The following DZIP1 variants were observed in gnomAD, a reference collection of about 807,000 sequenced individuals.
DZIP1 encodes the protein DAZ interacting zinc finger protein 1.
DZIP1 carries 97 observed loss-of-function variants against 107.6 expected under a neutral mutation model. That is an observed-to-expected ratio of 0.90 (90% CI 0.77 to 1.07). DZIP1 has a LOEUF of 1.07. DZIP1 is among the 50% of genes least tolerant of loss of function. The probability of loss-of-function intolerance (pLI) is 0.00; values close to 1 mark genes in which losing one functional copy is unlikely to be tolerated. For synonymous variants in DZIP1, 390 were observed against 386.4 expected, an observed-to-expected ratio of 1.01 and a Z score of -0.11; for missense variants, 1,035 against 1,063.6, an observed-to-expected ratio of 0.97 and a Z score of 0.37.
intron 16 of DZIP1, among the ~76,000 whole-genome samples, chr13:95,591,153 C>T (rs997061777): frequency 2.0e-5 from 3 of 151,560 alleles, no homozygotes; most frequent in Admixed American, 1.3e-4. Context: ...CTCAGCCTTC[C>T]GAGTAGCTGG....
At chr13:95,597,564 G>A (rs1027807613) in intron 15 of DZIP1, among the ~76,000 whole-genome samples, 5 of 152,140 alleles carry the variant, frequency 3.3e-5, no homozygotes, top group Non-Finnish European at 7.4e-5. Context: ...TCAACCTATA[G>A]GGCTCAGAAG....
chr13:95,583,033 A>G (rs1291492509), intron 22 of DZIP1, among the ~76,000 whole-genome samples: 1 of 152,192 alleles, frequency 6.6e-6, no homozygotes, highest in African/African-American at 2.4e-5. Flanking sequence ...TGTGAGAGAA[A>G]AGGTAGCGTG....
intron 12 of DZIP1, among the ~76,000 whole-genome samples, chr13:95,610,814 A>G (rs1044766209): frequency 1.3e-5 from 2 of 152,106 alleles, no homozygotes; most frequent in Admixed American, 1.3e-4. Context: ...ATTGAGAGTG[A>G]GTTTCTGATT....
intron 10 of DZIP1, among the ~76,000 whole-genome samples, chr13:95,617,335 TG>T (rs933664273): frequency 3.3e-5 from 5 of 152,128 alleles, no homozygotes; most frequent in African/African-American, 1.2e-4. Context: ...GAGTAGCCTC[TG>T]GAACCTGATA....
At position 95,605,570 on chromosome 13, in the gene DZIP1, GTCAT is replaced by G. The variant is rs575899894; in HGVS notation, c.1477+429_1477+432del. On this transcript the variant is annotated intron_variant, in intron 14 of 22. Transcript: ENST00000376829. ...TGTCTTTTCTAGATTTTCCCAACCA[GTCAT>G]TCAAACTGTTTGTTTAGAAAAGGTG... Among the ~76,000 whole-genome samples, 77 of 152,270 alleles carry G rather than the reference GTCAT, an allele frequency of 5.1e-4. 1 individual carries two copies. In the East Asian group the frequency reaches 0.011, roughly 22 times the overall value.
intron 5 of DZIP1, among the ~76,000 whole-genome samples, chr13:95,635,786 T>C (rs750684621): frequency 3.3e-4 from 50 of 152,112 alleles, no homozygotes; most frequent in Non-Finnish European, 6.0e-4. Context: ...GCCTTCAAAC[T>C]GCAATACGGC....
At chr13:95,616,495 C>T (rs1875089700) in intron 10 of DZIP1, among the ~76,000 whole-genome samples, 1 of 152,132 alleles carries the variant, frequency 6.6e-6, no homozygotes, top group African/African-American at 2.4e-5. Flanking sequence ...TAGACAGAGC[C>T]CTTCACTCAG....
chr13:95,635,913 G>A (rs1170253009), intron 5 of DZIP1, among the ~76,000 whole-genome samples: 2 of 151,494 alleles, frequency 1.3e-5, no homozygotes, highest in East Asian at 3.9e-4. Context: ...AAAGGGAGGA[G>A]GGGAAAAAAA....
Position 95,641,834 on chromosome 13 carries a change from A to G in DZIP1, c.58T>C (p.Tyr20His). 7.9e-7 allele frequency: 1 copy of G among 1,261,390 alleles called. No individual in the cohort carries two copies. Among genetic ancestry groups the G allele is most frequent in the Middle Eastern group, 3.1e-4 (1 of 3,268 alleles). The allele number at this position is 1,261,390 out of a possible 1,614,324, so 78.1% of individuals were successfully genotyped here. A position where few individuals can be genotyped will look rare whatever the true frequency, so the allele number is the denominator to read the frequency against. The change falls in exon 5 of 23, where the codon TAC becomes CAC. Residue 20 changes from tyrosine (Y) to histidine (H), a missense_variant. Transcript: ENST00000376829. The surrounding 1 kb of genome is among the most constrained non-coding windows in gnomAD (Gnocchi z 4.3). The part of the protein sequence containing the change: ...SSMPFQKHVY[Y>H]PLASGPEGPD... ...CCCTCTGGGCCGCTGGCGAGCGGGT[A>G]GTAGACATGCTTCTGGAAGGGCTGC...
In DZIP1 at chr13:95,634,254, T is replaced by A. The variant is rs546734755; in HGVS notation, c.598-933A>T. Among the ~76,000 whole-genome samples, 6 of 152,230 alleles carry A rather than the reference T, an allele frequency of 3.9e-5. No individual in the cohort carries two copies. In the South Asian group the frequency reaches 1.2e-3, roughly 32 times the overall value. On this transcript the variant is annotated intron_variant, in intron 5 of 22. Coordinates refer to ENST00000376829, the MANE Select transcript of DZIP1 (RefSeq NM_198968.4). ...CATTCAAGATGTCATTCATCAAGCATCTTCCACGCTGAGGATGACAGCATG... is the reference window on the plus strand; with the variant it reads ...CATTCAAGATGTCATTCATCAAGCAACTTCCACGCTGAGGATGACAGCATG...
At chr13:95,603,894 C>A (rs1416375030) in intron 14 of DZIP1, among the ~76,000 whole-genome samples, 2 of 152,194 alleles carry the variant, frequency 1.3e-5, no homozygotes, top group Non-Finnish European at 2.9e-5. Flanking sequence ...AACGTGCTGG[C>A]AATGTTGGCT....
At chr13:95,585,854 G>C (rs2044145376) in intron 21 of DZIP1, 152 bp downstream of exon 21, 1 of 672,956 alleles carries the variant, frequency 1.5e-6, no homozygotes, top group African/African-American at 1.9e-5. Flanking sequence ...GGAATGGAAA[G>C]AAATGCAATA....
At chr13:95,593,722 G>T (rs969950233) in intron 16 of DZIP1, among the ~76,000 whole-genome samples, 3 of 152,122 alleles carry the variant, frequency 2.0e-5, no homozygotes, top group Non-Finnish European at 4.4e-5. Context: ...TCAGAGATTT[G>T]TTTCTATGTT....
chr13:95,606,157 T>C (rs2044768440), intron 13 of DZIP1, 98 bp from the exon 14 acceptor site: 1 of 1,013,386 alleles, frequency 9.9e-7, no homozygotes, highest in Non-Finnish European at 1.5e-6. Context: ...CTAGTCAAGA[T>C]ACATACAGAC....
Position 95,599,362 on chromosome 13 carries a change from T to A in DZIP1, c.1537+3A>T. 1.2e-6 allele frequency: 2 copies of A among 1,613,316 alleles called. No homozygotes were observed. Among genetic ancestry groups the A allele is most frequent in the South Asian group, 2.2e-5 (2 of 91,058 alleles). ...AGGTAAACCTGATCAAGCCCTTTGT[T>A]ACCTTTTTCTTCCTCTGAAAGTTCT... On this transcript the variant is annotated splice_donor_region_variant and intron_variant, in intron 15 of 22. Transcript: ENST00000376829.
chr13:95,624,733 T>C, intron 8 of DZIP1, 35 bp downstream of exon 8: 7 of 1,561,074 alleles, frequency 4.5e-6, no homozygotes, highest in Non-Finnish European at 5.2e-6. Flanking sequence ...CTCAAGGCAA[T>C]CAATACCATA....
chr13:95,604,680 T>C (rs917033121), intron 14 of DZIP1, among the ~76,000 whole-genome samples: 3 of 152,014 alleles, frequency 2.0e-5, no homozygotes, highest in Non-Finnish European at 4.4e-5. Context: ...AACAAAAATA[T>C]ATGACAAAGA....
rs1322425084 is a variant in DZIP1, at chr13:95,586,017, G to A, written c.2338C>T (p.Gln780Ter). The A allele has an allele frequency of 5.0e-6, 8 of 1,600,116 alleles. No homozygotes were observed. The highest frequency in any genetic ancestry group is 6.8e-6 in the Non-Finnish European group (8 of 1,175,818). Residue 780 changes from glutamine (Q) to a stop codon, truncating the protein, a stop_gained, in exon 21 of 23, where the codon CAA becomes TAA. Transcript: ENST00000376829. LOFTEE classifies it high-confidence loss of function. Reference sequence around the variant, plus strand: ...AAAAGTGATTTCACCTTTAGTTCTTGTAATTCTTCTTTTTTGATAAACATC... The same window carrying A: ...AAAAGTGATTTCACCTTTAGTTCTTATAATTCTTCTTTTTTGATAAACATC... ...PEMFIKKEEL[Q>*]ELKCADVEDE...
At position 95,605,014 on chromosome 13, in the gene DZIP1, A is replaced by G. The variant is rs141184776; in HGVS notation, c.1477+989T>C. Among the ~76,000 whole-genome samples the G allele has an allele frequency of 8.3e-3, 1,261 of 152,362 alleles. 18 individuals carry two copies. The highest frequency in any genetic ancestry group is 0.028 in the African/African-American group (1,176 of 41,584). On this transcript the variant is annotated intron_variant, in intron 14 of 22. Transcript: ENST00000376829. ...GAAGATCAATATGTGGAGAATTTAC[A>G]CATTACGTATTGTGATCACATACTC...
Sources: allele counts gnomAD v4.1 joint callset (sites outside exome capture counted in the v4.1 genomes callset), GRCh38; gene constraint gnomAD v4.1.1; non-coding constraint Gnocchi (gnomAD v3.1); transcripts MANE v1.5; gene names NCBI Gene and HGNC (gene_info 2026-07-23, HGNC 2026-07-21).